Variants in CFAP69 observed in about 807,000 individuals in gnomAD.
CFAP69 encodes cilia- and flagella-associated protein 69.
A neutral mutation model predicts 123.0 loss-of-function variants in CFAP69; 92 were observed. That is an observed-to-expected ratio of 0.75 (90% CI 0.63 to 0.89). The LOEUF is 0.89. Among genes scored for constraint, CFAP69 ranks in the 40% least tolerant of loss-of-function variants. CFAP69 has a pLI of 0.00. For synonymous variants in CFAP69, 380 were observed against 364.3 expected (o/e 1.04, Z -0.49); for missense variants, 1,067 against 1,096.9 (o/e 0.97, Z 0.39).
rs1283911077 is a variant in CFAP69 at position 90,264,105 on chromosome 7, ATATATATATATATATATATATAT to A, written c.357-1195_357-1173del. Among the ~76,000 whole-genome samples, 582 of 71,420 alleles carry A rather than the reference ATATATATATATATATATATATAT, an allele frequency of 8.1e-3. 88 individuals carry two copies. The highest frequency in any genetic ancestry group is 0.027 in the African/African-American group (466 of 17,142). 46.9% of individuals were successfully genotyped at this position (71,420 alleles called of 152,430 possible). A position where few individuals can be genotyped will look rare whatever the true frequency, so the allele number is the denominator to read the frequency against. On this transcript the variant is annotated intron_variant, in intron 4 of 22. Coordinates refer to ENST00000389297, the MANE Select transcript of CFAP69 (RefSeq NM_001039706.3). ...GACTCCATCTCGAAAAAAAAAAAAA[ATATATATATATATATATATATAT>A]ATATATATATATATATATATATGAA...
At chr7:90,312,638 C>CA (rs763299522), downstream of CFAP69, 4 of 152,120 alleles carry the variant, frequency 2.6e-5, no homozygotes, top group Non-Finnish European at 5.9e-5. Flanking sequence ...TTCCAGCCAC[C>CA]ACACAGTGAG....
At chr7:90,308,142 G>T (rs1441424028) in intron 21 of CFAP69, among the ~76,000 whole-genome samples, 1 of 152,116 alleles carries the variant, frequency 6.6e-6, no homozygotes, top group African/African-American at 2.4e-5. Context: ...AATGTGTTCT[G>T]CTTTCCATTC....
Position 90,307,117 on chromosome 7 carries a change from G to A in CFAP69, c.2463+19G>A. On this transcript the variant is annotated intron_variant, in intron 20 of 22. Transcript: ENST00000389297. ...TGCAAAAGTAAGCTACATAGGTAGT[G>A]AGGAGGGAGAATGAAGATAGGTTGG... 6.3e-7 allele frequency: 1 copy of A among 1,593,298 alleles called. No individual in the cohort carries two copies. Among genetic ancestry groups the A allele is most frequent in the Non-Finnish European group, 8.6e-7 (1 of 1,168,166 alleles).
At chr7:90,308,530 A>G (rs910545419) in intron 21 of CFAP69, among the ~76,000 whole-genome samples, 5 of 152,172 alleles carry the variant, frequency 3.3e-5, no homozygotes, top group African/African-American at 1.2e-4. Context: ...CTAATGTTTC[A>G]ATACTTCCTA....
Position 90,245,518 on chromosome 7 carries a change from G to C in CFAP69, c.94G>C (p.Val32Leu), listed in dbSNP as rs1796216770. The C allele has an allele frequency of 2.6e-6, 4 of 1,525,416 alleles. No homozygotes were observed. The highest frequency in any genetic ancestry group is 2.6e-6 in the Non-Finnish European group (3 of 1,140,046). The allele number at this position is 1,525,416 out of a possible 1,614,324, so 94.5% of individuals were successfully genotyped here. The change falls in exon 1 of 23, where the codon GTG becomes CTG. Residue 32 changes from valine to leucine, a missense_variant. Coordinates refer to ENST00000389297, the MANE Select transcript of CFAP69 (RefSeq NM_001039706.3). Reference protein sequence around the residue: ...SSSSQIPVVGVVTEDDEAQDV... With the variant: ...SSSSQIPVVGLVTEDDEAQDV... ...TTCCAGTCAAATCCCGGTGGTTGGG[G>C]TGGTGACGGAGGACGATGAGGCGCA...
At chr7:90,275,126 A>T in intron 9 of CFAP69, among the ~76,000 whole-genome samples, 1 of 151,846 alleles carries the variant, frequency 6.6e-6, no homozygotes, top group African/African-American at 2.4e-5. Flanking sequence ...CATCCAGTGC[A>T]TTTTTACTTC....
chr7:90,270,852 GTGC>G (rs992694221), intron 6 of CFAP69, among the ~76,000 whole-genome samples: 1 of 152,050 alleles, frequency 6.6e-6, no homozygotes, highest in Non-Finnish European at 1.5e-5. Flanking sequence ...TTTCTCACAG[GTGC>G]TAAGACAGAA....
chr7:90,303,145 A>G (rs939632012), intron 17 of CFAP69: 29 of 152,120 alleles, frequency 1.9e-4, no homozygotes, highest in Admixed American at 1.9e-3. Context: ...TAGGAATGCT[A>G]GTCACTTTTG....
intron 11 of CFAP69, among the ~76,000 whole-genome samples, chr7:90,278,475 A>C (rs774100028): frequency 6.6e-6 from 1 of 152,098 alleles, no homozygotes; most frequent in Non-Finnish European, 1.5e-5. Flanking sequence ...ATTTTCCAAA[A>C]TGCAAATGGA....
chr7:90,269,060 C>A, intron 6 of CFAP69: 1 of 146,500 alleles, frequency 6.8e-6, no homozygotes, highest in South Asian at 2.2e-4. Flanking sequence ...AAAATGGGAA[C>A]CAGAAGTCAG....
At chr7:90,246,283 C>T (rs1234616143) in intron 1 of CFAP69, among the ~76,000 whole-genome samples, 1 of 152,110 alleles carries the variant, frequency 6.6e-6, no homozygotes, top group African/African-American at 2.4e-5. Flanking sequence ...TGTTTGTTTC[C>T]TACTAGGATT....
chr7:90,298,906 G>T (rs1400916733), intron 16 of CFAP69, among the ~76,000 whole-genome samples: 1 of 151,984 alleles, frequency 6.6e-6, no homozygotes, highest in African/African-American at 2.4e-5. Context: ...TTTCACATTT[G>T]CCTGTCTCCT....
intron 14 of CFAP69, among the ~76,000 whole-genome samples, chr7:90,286,955 G>T (rs1414787699): frequency 6.6e-6 from 1 of 151,052 alleles, no homozygotes; most frequent in Non-Finnish European, 1.5e-5. Context: ...AGGCGTTGTG[G>T]TGTGCGCCTG....
At chr7:90,319,176 T>C in the CFAP69 span, 1 of 392,542 alleles carries the variant, frequency 2.5e-6, no homozygotes, top group African/African-American at 2.1e-5. Context: ...TCAGAGCTTG[T>C]GTGGTTTGTA....
chr7:90,285,413 CT>C (rs968653439), intron 13 of CFAP69, among the ~76,000 whole-genome samples: 59 of 152,194 alleles, frequency 3.9e-4, no homozygotes, highest in African/African-American at 1.4e-3. Flanking sequence ...GAAAAAGTCA[CT>C]TTTTTTCTTT....
chr7:90,266,864 A>G (rs1799230200), intron 5 of CFAP69, among the ~76,000 whole-genome samples: 1 of 152,196 alleles, frequency 6.6e-6, no homozygotes, highest in South Asian at 2.1e-4. Flanking sequence ...CTAATAAGTT[A>G]TATTACATTT....
chr7:90,270,593 T>TCA (rs1285321959), intron 6 of CFAP69, among the ~76,000 whole-genome samples: 2 of 152,110 alleles, frequency 1.3e-5, no homozygotes, highest in African/African-American at 4.8e-5. Flanking sequence ...CATCACAGCA[T>TCA]TGGACAGGGC....
intron 1 of CFAP69, among the ~76,000 whole-genome samples, chr7:90,246,591 T>C (rs531175869): frequency 6.6e-6 from 1 of 152,172 alleles, no homozygotes; most frequent in Non-Finnish European, 1.5e-5. Context: ...GTTAGGGGAA[T>C]TTGCCTAATC....
chr7:90,258,245 T>A (rs1584331015), intron 3 of CFAP69, 82 bp downstream of exon 3: 1 of 957,988 alleles, frequency 1.0e-6, no homozygotes, highest in East Asian at 2.6e-5. Flanking sequence ...AGTTTTCCAT[T>A]GCTGTTGTAA....
Sources: allele counts gnomAD v4.1 joint callset (sites outside exome capture counted in the v4.1 genomes callset), GRCh38; gene constraint gnomAD v4.1.1; transcripts MANE v1.5; gene names NCBI Gene and HGNC (gene_info 2026-07-23, HGNC 2026-07-21).